GRIK4: variants seen among roughly 807,000 people sequenced by gnomAD.
GRIK4 encodes glutamate receptor ionotropic, kainate 4.
A neutral mutation model predicts 104.9 loss-of-function variants in GRIK4; 40 were observed. The observed-to-expected ratio is 0.38, with a 90% confidence interval of 0.30 to 0.50. The LOEUF is 0.50. GRIK4 is among the 20% of genes least tolerant of loss of function. GRIK4 has a pLI of 0.93. For synonymous variants in GRIK4, 485 were observed against 524.9 expected (o/e 0.92, Z 1.04); for missense variants, 1,047 against 1,308.1 (o/e 0.80, Z 3.08).
At chr11:120,649,043 G>T (rs965174860) in intron 1 of GRIK4, among the ~76,000 whole-genome samples, 1 of 152,194 alleles carries the variant, frequency 6.6e-6, no homozygotes, top group Non-Finnish European at 1.5e-5. Context: ...TGCTAACTGG[G>T]CTGATGGAAG....
At chr11:120,518,514 G>A (rs1022481495) in intron 1 of GRIK4, among the ~76,000 whole-genome samples, 2 of 152,080 alleles carry the variant, frequency 1.3e-5, no homozygotes, top group African/African-American at 4.8e-5. Context: ...GAGACGAGGG[G>A]CCCAAAGCCC....
At chr11:120,736,890 T>A (rs1951234810) in intron 3 of GRIK4, among the ~76,000 whole-genome samples, 1 of 151,956 alleles carries the variant, frequency 6.6e-6, no homozygotes, top group African/African-American at 2.4e-5. Flanking sequence ...CATTTCCCAT[T>A]GAAAGAAGGC....
Position 120,551,565 on chromosome 11 carries a change from G to A in GRIK4, c.-159+39678G>A, listed in dbSNP as rs572673105. On this transcript the variant is annotated intron_variant, in intron 1 of 20. Coordinates refer to ENST00000527524, the MANE Select transcript of GRIK4 (RefSeq NM_014619.5). ...GGAGGCTGAGGTGGGCAGATTGCTC[G>A]ATACCAGGAGTTCAAGACTAGCCTG... 9.2e-5 allele frequency among the ~76,000 whole-genome samples: 14 copies of A among 152,248 alleles called. No individual in the cohort carries two copies. In the East Asian group the frequency reaches 1.2e-3, roughly 13 times the overall value.
chr11:120,717,759 C>T (rs933307472), intron 3 of GRIK4, among the ~76,000 whole-genome samples: 5 of 152,076 alleles, frequency 3.3e-5, no homozygotes, highest in African/African-American at 1.2e-4. Context: ...GTGTGGGATT[C>T]TGATCAGGGA....
rs1389286490 is a variant in GRIK4, at chr11:120,962,446, C to G, written c.2041-10C>G. ...TTTCCCAATCCTGCTTCCTTTTGTT[C>G]TTTTCCCAGAATTCCCGCTACCAGA... On this transcript the variant is annotated splice_polypyrimidine_tract_variant and intron_variant, in intron 17 of 20. Coordinates refer to ENST00000527524, the MANE Select transcript of GRIK4 (RefSeq NM_014619.5). 1.3e-6 allele frequency: 2 copies of G among 1,591,296 alleles called. No homozygotes were observed. The highest frequency in any genetic ancestry group is 1.3e-5 in the African/African-American group (1 of 74,474).
intron 3 of GRIK4, among the ~76,000 whole-genome samples, chr11:120,742,625 C>A (rs544035085): frequency 4.6e-5 from 7 of 151,562 alleles, no homozygotes; most frequent in African/African-American, 1.7e-4. Flanking sequence ...CAGATGCTGT[C>A]GAGGTTGCAG....
chr11:120,832,902 C>T (rs554730413), intron 7 of GRIK4, among the ~76,000 whole-genome samples: 2 of 152,206 alleles, frequency 1.3e-5, no homozygotes, highest in East Asian at 1.9e-4. Context: ...GAACGGGCCC[C>T]GTTTCCAGGC....
intron 14 of GRIK4, among the ~76,000 whole-genome samples, chr11:120,945,377 G>A (rs925332774): frequency 2.6e-5 from 4 of 152,130 alleles, no homozygotes; most frequent in Admixed American, 6.5e-5. Flanking sequence ...TGTATCCTCC[G>A]ATGGGAGGTA....
intron 1 of GRIK4, among the ~76,000 whole-genome samples, chr11:120,600,741 A>C (rs529533694): frequency 5.6e-4 from 85 of 152,352 alleles, no homozygotes; most frequent in African/African-American, 1.9e-3. Context: ...TGATTCTCAA[A>C]GAGGTCAGTG....
intron 9 of GRIK4, among the ~76,000 whole-genome samples, chr11:120,863,066 A>G (rs1954304456): frequency 6.6e-6 from 1 of 152,152 alleles, no homozygotes; most frequent in Admixed American, 6.5e-5. Flanking sequence ...ATGGCTTTAC[A>G]GTTTATATTT....
rs180682083 is a variant in GRIK4, at chr11:120,535,094, C to T, written c.-159+23207C>T. ...TTTGCTGATTTCCACGGTGTAAATA[C>T]CATGGTCAATTTTAAGTTGCCAACG... On this transcript the variant is annotated intron_variant, in intron 1 of 20. Coordinates refer to ENST00000527524, the MANE Select transcript of GRIK4 (RefSeq NM_014619.5). Among the ~76,000 whole-genome samples the T allele has an allele frequency of 5.9e-5, 9 of 152,270 alleles. No individual in the cohort carries two copies. In the East Asian group the frequency reaches 1.5e-3, roughly 26 times the overall value.
rs959201349 is a variant in GRIK4 at position 120,549,899 on chromosome 11, C to T, written c.-159+38012C>T. 2.6e-5 allele frequency among the ~76,000 whole-genome samples: 4 copies of T among 152,326 alleles called. No individual in the cohort carries two copies. The highest frequency in any genetic ancestry group is 3.9e-4 in the East Asian group (2 of 5,190). On this transcript the variant is annotated intron_variant, in intron 1 of 20. Coordinates refer to ENST00000527524, the MANE Select transcript of GRIK4 (RefSeq NM_014619.5). This position sits in a 1 kb window ranked among gnomAD's most constrained non-coding sequence, Gnocchi z 4.7. ...TTGAGATGTGAACCTGCGAGGTAGA[C>T]GGCAGCCTCAGCCATTTTGCTATCA...
At chr11:120,548,231 T>C (rs1038662118) in intron 1 of GRIK4, among the ~76,000 whole-genome samples, 7 of 152,048 alleles carry the variant, frequency 4.6e-5, no homozygotes, top group African/African-American at 1.4e-4. Context: ...ACGTGATAAG[T>C]ACTGGGTACA....
intron 3 of GRIK4, among the ~76,000 whole-genome samples, chr11:120,749,530 C>T (rs966291817): frequency 2.0e-5 from 3 of 152,202 alleles, no homozygotes; most frequent in Non-Finnish European, 4.4e-5. Flanking sequence ...TAGAGCTTTC[C>T]AGGCAGGAAG....
intron 1 of GRIK4, chr11:120,620,410 C>A (rs1256016760): frequency 1.9e-6 from 1 of 516,152 alleles, no homozygotes; most frequent in South Asian, 2.5e-5. Context: ...GCTACCATAA[C>A]CCAGTCCCCA....
chr11:120,686,161 CT>C (rs1950273900), intron 3 of GRIK4, among the ~76,000 whole-genome samples: 1 of 150,732 alleles, frequency 6.6e-6, no homozygotes, highest in South Asian at 2.1e-4. Context: ...ATGTTAGTTT[CT>C]TAAAAAAAAG....
intron 1 of GRIK4, among the ~76,000 whole-genome samples, chr11:120,592,364 G>A (rs141217259): frequency 3.5e-4 from 54 of 152,332 alleles, no homozygotes; most frequent in Admixed American, 5.2e-4. Flanking sequence ...GCCGTCCTAC[G>A]ATGGCCTGGC....
intron 1 of GRIK4, among the ~76,000 whole-genome samples, chr11:120,596,737 T>C (rs933878110): frequency 1.3e-5 from 2 of 151,966 alleles, no homozygotes; most frequent in Non-Finnish European, 2.9e-5. Context: ...TTTTTGTTTT[T>C]TTTTTTAGAC....
chr11:120,778,687 T>A (rs949296), intron 3 of GRIK4, among the ~76,000 whole-genome samples: 68,519 of 152,142 alleles, frequency 0.45, 17,334 homozygotes, highest in African/African-American at 0.7. Flanking sequence ...ACCAAATGAC[T>A]AATTCTGATG....
Sources: gnomAD v4.1 joint callset for allele counts (sites outside exome capture counted in the v4.1 genomes callset) on GRCh38, gnomAD v4.1.1 for gene constraint, Gnocchi (gnomAD v3.1) non-coding constraint, MANE v1.5 for transcripts, NCBI Gene and HGNC (gene_info 2026-07-23, HGNC 2026-07-21) for gene names.